Variants in RPGRIP1 observed in about 807,000 individuals in gnomAD.
The protein encoded by RPGRIP1 is X-linked retinitis pigmentosa GTPase regulator-interacting protein 1.
In RPGRIP1, 128 loss-of-function variants were observed where a neutral mutation model predicts 157.9. The observed-to-expected ratio is 0.81, with a 90% CI of 0.70 to 0.94. The LOEUF (loss-of-function observed/expected upper bound fraction) is 0.94. Ranked by LOEUF, RPGRIP1 falls within the 40% of genes least tolerant of loss-of-function variation. RPGRIP1 has a pLI of 0.00. For synonymous variants in RPGRIP1, 554 were observed against 571.6 expected, an observed-to-expected ratio of 0.97 and a Z score of 0.44; for missense variants, 1,486 against 1,545.8, an observed-to-expected ratio of 0.96 and a Z score of 0.65.
intron 10 of RPGRIP1, among the ~76,000 whole-genome samples, chr14:21,314,531 C>T (rs1460059801): frequency 3.4e-5 from 5 of 148,708 alleles, no homozygotes; most frequent in South Asian, 2.2e-4. Context: ...GCAGGAGGAT[C>T]GCTGGAGCTC....
intron 1 of RPGRIP1, among the ~76,000 whole-genome samples, chr14:21,284,193 C>T (rs1880225558): frequency 6.6e-6 from 1 of 152,100 alleles, no homozygotes; most frequent in Non-Finnish European, 1.5e-5. Context: ...AGAATTTCTC[C>T]ATTATACTTT....
At chr14:21,306,828 T>G (rs1260198004) in intron 6 of RPGRIP1, among the ~76,000 whole-genome samples, 3 of 151,230 alleles carry the variant, frequency 2.0e-5, no homozygotes, top group Non-Finnish European at 4.4e-5. Context: ...CAGGCTGGAG[T>G]GCAGTGGTGC....
intron 8 of RPGRIP1, 107 bp from the exon 9 acceptor site, chr14:21,311,717 G>A: frequency 1.2e-6 from 1 of 853,294 alleles, no homozygotes; most frequent in Non-Finnish European, 1.8e-6. Flanking sequence ...ATTAATCAAA[G>A]TCATTCTTTG....
chr14:21,299,943 T>C (rs1316800145), intron 3 of RPGRIP1, among the ~76,000 whole-genome samples: 1 of 152,192 alleles, frequency 6.6e-6, no homozygotes, highest in Non-Finnish European at 1.5e-5. Flanking sequence ...AGATCTCTTG[T>C]TACAAGGCCA....
intron 7 of RPGRIP1, among the ~76,000 whole-genome samples, chr14:21,309,786 TTC>T (rs1555365947): frequency 6.6e-6 from 1 of 152,030 alleles, no homozygotes; most frequent in African/African-American, 2.4e-5. Context: ...ATCAATTTTT[TTC>T]TCTCTCAAGA....
At chr14:21,284,706 C>T (rs990017296) in intron 1 of RPGRIP1, among the ~76,000 whole-genome samples, 5 of 151,808 alleles carry the variant, frequency 3.3e-5, no homozygotes, top group South Asian at 2.1e-4. Flanking sequence ...CACATGTCAC[C>T]GCGCCCAGCA....
At chr14:21,329,519 T>G (rs1883494112) in intron 19 of RPGRIP1, among the ~76,000 whole-genome samples, 1 of 150,064 alleles carries the variant, frequency 6.7e-6, no homozygotes, top group South Asian at 2.1e-4. Context: ...TTTTTTTTTT[T>G]GAGACCGAGT....
intron 11 of RPGRIP1, chr14:21,318,330 G>T (rs1402224312): frequency 6.2e-6 from 2 of 321,416 alleles, no homozygotes; most frequent in Non-Finnish European, 6.1e-6. Flanking sequence ...TAGGCTGGTC[G>T]TGAACTCCTG....
At chr14:21,293,836 G>A (rs1460324936) in intron 2 of RPGRIP1, among the ~76,000 whole-genome samples, 5 of 151,284 alleles carry the variant, frequency 3.3e-5, no homozygotes, top group Non-Finnish European at 4.4e-5. Flanking sequence ...CCGAGATGGC[G>A]CCACTGCACT....
In RPGRIP1 at chr14:21,307,751, T is replaced by G. The variant is rs927347968; in HGVS notation, c.821T>G (p.Val274Gly). ...TGCAGAGCTTCCATTAAAGAGAAGG[T>G]AGAGCTGATTCGACTTAAGAAGCTC... ...AELRASIKEK[V>G]ELIRLKKLLH... The change falls in exon 7 of 25, where the codon GTA (valine) becomes GGA (glycine). Residue 274 changes from valine to glycine, a missense_variant. Transcript: ENST00000400017. 15 of 1,563,558 alleles carry G rather than the reference T, an allele frequency of 9.6e-6. No homozygotes were observed. The highest frequency in any genetic ancestry group is 1.3e-5 in the Non-Finnish European group (15 of 1,152,716).
At chr14:21,284,715 C>T (rs1880241957) in intron 1 of RPGRIP1, among the ~76,000 whole-genome samples, 1 of 151,976 alleles carries the variant, frequency 6.6e-6, no homozygotes, top group East Asian at 1.9e-4. Flanking sequence ...CCGCGCCCAG[C>T]AAATTTTTGT....
At position 21,314,699 on chromosome 14, in the gene RPGRIP1, G is replaced by T. The variant is rs536931864; in HGVS notation, c.1151+2193G>T. On this transcript the variant is annotated intron_variant, in intron 10 of 24. Transcript: ENST00000400017. ...TTACACTCCAGCCTGGGCAACAAGA[G>T]CAAAACTCTGTCTCGAAAAAAAAAA... is the stretch of plus-strand genomic sequence containing the variant. Among the ~76,000 whole-genome samples, 61 of 140,996 alleles carry T rather than the reference G, an allele frequency of 4.3e-4. 1 individual carries two copies. Among genetic ancestry groups the T allele is most frequent in the Admixed American group, 7.4e-5 (1 of 13,460 alleles). 92.5% of individuals were successfully genotyped at this position (140,996 alleles called of 152,430 possible).
intron 7 of RPGRIP1, among the ~76,000 whole-genome samples, chr14:21,308,781 G>A (rs187598238): frequency 1.4e-4 from 22 of 152,346 alleles, no homozygotes; most frequent in Admixed American, 2.6e-4. Flanking sequence ...AAAAGTGGCT[G>A]CTTATATGAG....
chr14:21,325,115 A>C, intron 15 of RPGRIP1, 45 bp downstream of exon 15: 1 of 1,562,118 alleles, frequency 6.4e-7, no homozygotes, highest in Non-Finnish European at 8.7e-7. Flanking sequence ...CCAATGCAGA[A>C]TTTCCCAAAG....
chr14:21,290,696 G>C (rs12884370), intron 2 of RPGRIP1, among the ~76,000 whole-genome samples: 1 of 151,876 alleles, frequency 6.6e-6, no homozygotes, highest in Non-Finnish European at 1.5e-5. Context: ...GCGGGCGCCT[G>C]TATTCCCAGC....
chr14:21,303,919 C>T (rs912117078), intron 6 of RPGRIP1, among the ~76,000 whole-genome samples: 15 of 150,520 alleles, frequency 1.0e-4, no homozygotes, highest in South Asian at 2.1e-4. Context: ...ACCTGGGAGG[C>T]AGAGGTTTCA....
chr14:21,315,288 A>T (rs1028403582), intron 10 of RPGRIP1, among the ~76,000 whole-genome samples: 2 of 151,998 alleles, frequency 1.3e-5, no homozygotes, highest in African/African-American at 4.8e-5. Flanking sequence ...TGGGTGGATC[A>T]CGAGGTCAGG....
intron 21 of RPGRIP1, among the ~76,000 whole-genome samples, chr14:21,341,612 G>A (rs1024325964): frequency 1.3e-5 from 2 of 152,086 alleles, no homozygotes; most frequent in African/African-American, 4.8e-5. Flanking sequence ...ATACTGACTT[G>A]CCTGCCACAC....
chr14:21,325,029 T>C lies in RPGRIP1; in HGVS notation c.2174T>C (p.Leu725Pro), dbSNP rs1882918281. 1 of 1,613,292 alleles carries C rather than the reference T, an allele frequency of 6.2e-7. No individual in the cohort carries two copies. The highest frequency in any genetic ancestry group is 8.5e-7 in the Non-Finnish European group (1 of 1,179,372). Reference sequence around the variant, plus strand: ...GGATGGATTTGCTTTGACAGGGTGCTAGAGACTGTGGAGAAAGTCCATGGC... The same window carrying C: ...GGATGGATTTGCTTTGACAGGGTGCCAGAGACTGTGGAGAAAGTCCATGGC... Reference protein sequence around the residue: ...AAGWICFDRVLETVEKVHGLA... With the variant: ...AAGWICFDRVPETVEKVHGLA... The change falls in exon 15 of 25, where the codon CTA becomes CCA. Residue 725 changes from leucine to proline, a missense_variant. By Grantham distance (98) the Leu-to-Pro change is moderately conservative. Transcript: ENST00000400017.
Sources: gnomAD v4.1 joint callset for allele counts (sites outside exome capture counted in the v4.1 genomes callset) on GRCh38, gnomAD v4.1.1 for gene constraint, MANE v1.5 for transcripts, NCBI Gene and HGNC (gene_info 2026-07-23, HGNC 2026-07-21) for gene names.